The following ATE1 variants were observed in gnomAD, a reference collection of about 807,000 sequenced individuals.
ATE1 encodes the protein arginyltransferase 1.
Under a neutral mutation model 70.5 loss-of-function variants are expected in ATE1, and 36 were observed. That is an observed-to-expected ratio of 0.51 (90% confidence interval 0.39 to 0.67). ATE1 has a LOEUF of 0.67. Among genes scored for constraint, ATE1 ranks in the 30% least tolerant of loss-of-function variants. ATE1 has a pLI of 0.00. For missense variants in ATE1, 593 were observed against 629.5 expected (o/e 0.94, Z 0.62); for synonymous variants, 232 against 219.3 (o/e 1.06, Z -0.51).
chr10:121,881,221 T>G (rs747236435), intron 7 of ATE1, among the ~76,000 whole-genome samples: 8 of 152,190 alleles, frequency 5.3e-5, no homozygotes, highest in Non-Finnish European at 1.0e-4. Flanking sequence ...ACTCAGCTGC[T>G]CATTCATTCA....
intron 8 of ATE1, among the ~76,000 whole-genome samples, chr10:121,855,866 G>C (rs998220948): frequency 2.6e-5 from 4 of 152,132 alleles, no homozygotes; most frequent in Non-Finnish European, 5.9e-5. Flanking sequence ...CCTAAGGTCA[G>C]GAGTTCAAGA....
At chr10:121,907,926 A>G (rs190712461) in intron 5 of ATE1, among the ~76,000 whole-genome samples, 29 of 152,174 alleles carry the variant, frequency 1.9e-4, no homozygotes, top group African/African-American at 6.0e-4. Flanking sequence ...TGTGATCTCC[A>G]AATACCAATT....
At chr10:121,910,230 T>G (rs189982052) in intron 5 of ATE1, among the ~76,000 whole-genome samples, 1 of 152,284 alleles carries the variant, frequency 6.6e-6, no homozygotes, top group Non-Finnish European at 1.5e-5. Flanking sequence ...ACTAAAAATC[T>G]TTCCCTTGGA....
intron 8 of ATE1, among the ~76,000 whole-genome samples, chr10:121,846,163 T>C (rs1181853639): frequency 1.4e-5 from 2 of 146,880 alleles, no homozygotes; most frequent in African/African-American, 5.0e-5. Context: ...ATACCCAACA[T>C]TGAGGGGGTA....
At chr10:121,907,896 T>C (rs1951264997) in intron 5 of ATE1, among the ~76,000 whole-genome samples, 1 of 152,078 alleles carries the variant, frequency 6.6e-6, no homozygotes, top group Non-Finnish European at 1.5e-5. Flanking sequence ...GCAGCAATAA[T>C]GTGCACTCCT....
chr10:121,922,825 G>A (rs1204720109), intron 2 of ATE1, among the ~76,000 whole-genome samples: 3 of 152,084 alleles, frequency 2.0e-5, no homozygotes, highest in African/African-American at 2.4e-5. Flanking sequence ...AAACTAACCC[G>A]CTTCTTTCCA....
chr10:121,919,056 A>G (rs554968510), intron 3 of ATE1, among the ~76,000 whole-genome samples: 1 of 152,278 alleles, frequency 6.6e-6, no homozygotes, highest in South Asian at 2.1e-4. Flanking sequence ...TGGACCAATC[A>G]GCAGGACATG....
intron 10 of ATE1, among the ~76,000 whole-genome samples, chr10:121,795,703 T>C (rs1282875581): frequency 1.3e-5 from 2 of 152,206 alleles, no homozygotes; most frequent in Admixed American, 6.5e-5. Context: ...TTGAGATTTA[T>C]GAAATAAACC....
Position 121,806,794 on chromosome 10 carries a change from G to C in ATE1, c.1258-16505C>G, listed in dbSNP as rs149325810. Among the ~76,000 whole-genome samples the C allele has an allele frequency of 2.8e-3, 427 of 152,306 alleles. 4 individuals carry two copies. The highest frequency in any genetic ancestry group is 9.6e-3 in the African/African-American group (400 of 41,558). The stretch of plus-strand genomic sequence containing the variant: ...CATACAAAGATAAAGCAATGTGCCA[G>C]ATGTTGTTAACTGGTGACTTCAGGT... On this transcript the variant is annotated intron_variant, in intron 10 of 11. Coordinates refer to ENST00000224652, the MANE Select transcript of ATE1 (RefSeq NM_001001976.3).
chr10:121,897,582 A>C (rs1290927609), intron 7 of ATE1, among the ~76,000 whole-genome samples: 3 of 152,074 alleles, frequency 2.0e-5, no homozygotes, highest in African/African-American at 7.2e-5. Context: ...TAATCCCAGC[A>C]CTCTGGGAGG....
At chr10:121,797,468 A>T (rs898685409) in intron 10 of ATE1, among the ~76,000 whole-genome samples, 5 of 152,030 alleles carry the variant, frequency 3.3e-5, no homozygotes, top group African/African-American at 1.2e-4. Flanking sequence ...GAAACCCAGT[A>T]CCCATTAGCA....
In ATE1 at chr10:121,909,355, A is replaced by G. The variant is rs542224030; in HGVS notation, c.583+1551T>C. ...ACATTATCTGGATCCTAACACAAAC[A>G]AATGTTTAAAAATTGGAATTTGAAC... On this transcript the variant is annotated intron_variant, in intron 5 of 11. Transcript: ENST00000224652. Among the ~76,000 whole-genome samples the G allele has an allele frequency of 5.9e-5, 9 of 152,354 alleles. No individual in the cohort carries two copies. In the East Asian group the frequency reaches 1.7e-3, roughly 29 times the overall value.
At chr10:121,886,492 A>G (rs1950404266) in intron 7 of ATE1, among the ~76,000 whole-genome samples, 1 of 152,086 alleles carries the variant, frequency 6.6e-6, no homozygotes, top group African/African-American at 2.4e-5. Context: ...CTGTGGTGGA[A>G]CAGACTCCTG....
intron 9 of ATE1, among the ~76,000 whole-genome samples, chr10:121,838,381 T>TAGA (rs34521968): frequency 0.59 from 89,501 of 151,600 alleles, 30,123 homozygotes; most frequent in South Asian, 0.78. Flanking sequence ...CACCTGCCTC[T>TAGA]GTGCCCCTTG....
chr10:121,843,374 T>C (rs550917518), intron 8 of ATE1, among the ~76,000 whole-genome samples: 2 of 152,350 alleles, frequency 1.3e-5, no homozygotes, highest in East Asian at 3.9e-4. Flanking sequence ...TAAGTTGATA[T>C]ATACATTTAA....
At chr10:121,928,176 C>T (rs1952183508), upstream of ATE1, 1 of 1,295,158 alleles carries the variant, frequency 7.7e-7, no homozygotes, top group Non-Finnish European at 9.8e-7. Flanking sequence ...CATAAGGGGC[C>T]GCCGTCGTCA....
intron 7 of ATE1, among the ~76,000 whole-genome samples, chr10:121,894,041 G>A (rs1224099641): frequency 6.6e-6 from 1 of 151,750 alleles, no homozygotes; most frequent in Non-Finnish European, 1.5e-5. Flanking sequence ...GTAGGCTGAG[G>A]CAGGAGAATC....
At chr10:121,878,075 A>G (rs1487742754) in intron 7 of ATE1, among the ~76,000 whole-genome samples, 2 of 152,222 alleles carry the variant, frequency 1.3e-5, no homozygotes, top group Non-Finnish European at 1.5e-5. Context: ...ACTATATGTC[A>G]CATGGATTTC....
intron 8 of ATE1, among the ~76,000 whole-genome samples, chr10:121,843,267 C>T (rs929442103): frequency 1.3e-5 from 2 of 152,012 alleles, no homozygotes; most frequent in Non-Finnish European, 2.9e-5. Flanking sequence ...CAGAAAACTA[C>T]AAAACTCCGA....
Sources: allele counts gnomAD v4.1 joint callset (sites outside exome capture counted in the v4.1 genomes callset), GRCh38; gene constraint gnomAD v4.1.1; transcripts MANE v1.5; gene names NCBI Gene and HGNC (gene_info 2026-07-23, HGNC 2026-07-21).